Variants in APIP observed in about 807,000 individuals in gnomAD.
APIP encodes APAF1 interacting protein.
A neutral mutation model predicts 32.0 loss-of-function variants in APIP; 32 were observed. The ratio of observed to expected loss-of-function variants is 1.00; its 90% confidence interval spans 0.76 to 1.34. APIP has a LOEUF of 1.34. Among genes scored for constraint, APIP ranks in the 40% most tolerant of loss-of-function variants. The probability of loss-of-function intolerance (pLI) is 0.00; values close to 1 mark genes in which losing one functional copy is unlikely to be tolerated. For missense variants in APIP, 247 were observed against 298.6 expected (o/e 0.83, Z 1.27); for synonymous variants, 92 against 94.8 (o/e 0.97, Z 0.17).
At chr11:34,885,558 T>C (rs1406788161) in intron 5 of APIP, among the ~76,000 whole-genome samples, 2 of 152,034 alleles carry the variant, frequency 1.3e-5, no homozygotes, top group Non-Finnish European at 2.9e-5. Context: ...GTAAAAGAGA[T>C]AACGAGAAAT....
At chr11:34,885,876 T>C (rs1221880522) in intron 5 of APIP, among the ~76,000 whole-genome samples, 1 of 152,178 alleles carries the variant, frequency 6.6e-6, no homozygotes, top group African/African-American at 2.4e-5. Context: ...CGCATAGCTG[T>C]CATAGGGTCA....
At chr11:34,887,475 T>A (rs1853097627) in intron 5 of APIP, among the ~76,000 whole-genome samples, 1 of 152,226 alleles carries the variant, frequency 6.6e-6, no homozygotes, top group Admixed American at 6.5e-5. Context: ...CAATAAATAT[T>A]AACTGAAATC....
At chr11:34,887,945 A>G (rs1000120323) in intron 5 of APIP, among the ~76,000 whole-genome samples, 2 of 152,222 alleles carry the variant, frequency 1.3e-5, no homozygotes, top group Non-Finnish European at 2.9e-5. Flanking sequence ...GTCACTGGTC[A>G]AATTTCTGAA....
chr11:34,890,480 G>T, intron 3 of APIP, 24 bp downstream of exon 3: 1 of 1,594,604 alleles, frequency 6.3e-7, no homozygotes, highest in South Asian at 1.1e-5. Context: ...AAGACACTGA[G>T]GTTAAAGAAT....
intron 5 of APIP, among the ~76,000 whole-genome samples, chr11:34,887,471 A>G (rs1853097563): frequency 6.6e-6 from 1 of 152,192 alleles, no homozygotes; most frequent in Admixed American, 6.5e-5. Flanking sequence ...CACACAATAA[A>G]TATTAACTGA....
rs542787427 is a variant in APIP, at chr11:34,900,459, GAA to G, written c.58-5351_58-5350del. On this transcript the variant is annotated intron_variant, in intron 1 of 6. Transcript: ENST00000395787. ...AGGGTTCAAGTTCCCTTTCATTACAGAACCTTAAGCAAATAAAGGGAGACTTA... is the reference window on the plus strand; with the variant it reads ...AGGGTTCAAGTTCCCTTTCATTACAGCCTTAAGCAAATAAAGGGAGACTTA... Among the ~76,000 whole-genome samples, 78 of 152,176 alleles carry G rather than the reference GAA, an allele frequency of 5.1e-4. 1 individual carries two copies. Among genetic ancestry groups the G allele is most frequent in the African/African-American group, 1.9e-3 (78 of 41,450 alleles).
chr11:34,887,070 T>G (rs1413014670), intron 5 of APIP, among the ~76,000 whole-genome samples: 2 of 152,178 alleles, frequency 1.3e-5, no homozygotes, highest in South Asian at 4.1e-4. Context: ...AGACTCAGGA[T>G]TCTCTTCAAA....
chr11:34,891,043 ACAG>A (rs1278409378), intron 2 of APIP, among the ~76,000 whole-genome samples: 5 of 152,176 alleles, frequency 3.3e-5, no homozygotes, highest in Non-Finnish European at 1.5e-5. Flanking sequence ...CCTCTGCTGG[ACAG>A]TTTCTTAAAT....
At chr11:34,883,297 G>C in intron 6 of APIP, 40 bp downstream of exon 6, 1 of 1,541,106 alleles carries the variant, frequency 6.5e-7, no homozygotes, top group Non-Finnish European at 8.8e-7. Context: ...ACATTTAGCG[G>C]GTGGTAACTT....
intron 1 of APIP, among the ~76,000 whole-genome samples, chr11:34,906,775 C>T (rs968841857): frequency 4.6e-5 from 7 of 152,196 alleles, no homozygotes; most frequent in Non-Finnish European, 1.0e-4. Flanking sequence ...TACAAGAACA[C>T]GCAGGCTTCA....
intron 5 of APIP, 107 bp downstream of exon 5, chr11:34,888,186 C>A: frequency 9.2e-7 from 1 of 1,089,004 alleles, no homozygotes; most frequent in Non-Finnish European, 1.3e-6. Flanking sequence ...TTATTTAACA[C>A]AGATCCCACG....
At chr11:34,883,271 T>A (rs1347262727) in intron 6 of APIP, 66 bp downstream of exon 6, 2 of 1,455,286 alleles carry the variant, frequency 1.4e-6, no homozygotes, top group Admixed American at 2.2e-5. Context: ...CCAACTGACA[T>A]ACTTTGTTTT....
intron 1 of APIP, among the ~76,000 whole-genome samples, chr11:34,906,436 A>C (rs1853457988): frequency 6.6e-6 from 1 of 152,204 alleles, no homozygotes; most frequent in African/African-American, 2.4e-5. Context: ...ATCCCATCTT[A>C]GAAAAACCAT....
chr11:34,897,125 G>A (rs1185942765), intron 1 of APIP, among the ~76,000 whole-genome samples: 1 of 152,176 alleles, frequency 6.6e-6, no homozygotes, highest in Non-Finnish European at 1.5e-5. Context: ...AAATTGTGGT[G>A]TTTTTCCCCA....
chr11:34,913,319 T>G (rs1195598575), intron 1 of APIP, among the ~76,000 whole-genome samples: 1 of 152,250 alleles, frequency 6.6e-6, no homozygotes, highest in Non-Finnish European at 1.5e-5. Context: ...GTTCTTGGTC[T>G]CACTGACTTC....
chr11:34,893,103 T>G (rs2915220), intron 2 of APIP, among the ~76,000 whole-genome samples: 91,278 of 151,978 alleles, frequency 0.6, 28,448 homozygotes, highest in East Asian at 0.74. Flanking sequence ...TGAGCTGATT[T>G]TAGTGCTATA....
intron 5 of APIP, among the ~76,000 whole-genome samples, chr11:34,884,981 C>A (rs59728988): frequency 0.019 from 2,833 of 151,638 alleles, 85 homozygotes; most frequent in African/African-American, 0.066. Flanking sequence ...AGCCCTTTGA[C>A]CCTCAAAGAG....
chr11:34,901,760 G>A (rs368584287), intron 1 of APIP, among the ~76,000 whole-genome samples: 3 of 152,134 alleles, frequency 2.0e-5, no homozygotes, highest in Non-Finnish European at 1.5e-5. Context: ...TGTCTCCCCC[G>A]ATGGAAGCTA....
At chr11:34,883,899 A>T (rs1363624640) in intron 5 of APIP, among the ~76,000 whole-genome samples, 1 of 152,212 alleles carries the variant, frequency 6.6e-6, no homozygotes, top group East Asian at 1.9e-4. Context: ...TATATTAAGA[A>T]TTTCCCAATT....
Sources: gnomAD v4.1 joint callset for allele counts (sites outside exome capture counted in the v4.1 genomes callset) on GRCh38, gnomAD v4.1.1 for gene constraint, MANE v1.5 for transcripts, NCBI Gene and HGNC (gene_info 2026-07-23, HGNC 2026-07-21) for gene names.